ZNF236: variants seen among roughly 807,000 people sequenced by gnomAD.
ZNF236 encodes zinc finger protein 236.
ZNF236 carries 50 observed loss-of-function variants against 191.2 expected under a neutral mutation model. That is an observed-to-expected ratio of 0.26 (90% CI 0.21 to 0.33). ZNF236 has a LOEUF of 0.33. Ranked by LOEUF, ZNF236 falls within the 10% of genes least tolerant of loss-of-function variation. The pLI is 1.00. For missense variants in ZNF236, 1,754 were observed against 2,374.5 expected, an observed-to-expected ratio of 0.74 and a Z score of 5.43; for synonymous variants, 907 against 928.8, an observed-to-expected ratio of 0.98 and a Z score of 0.43.
In ZNF236 at chr18:76,969,054, A is replaced by G; in HGVS notation, c.*715A>G. ...CACGGGCTGGCGACACACTTACCGC[A>G]TCAATCTGTGTTCAGGTCCAGGGTT... is the stretch of plus-strand genomic sequence containing the variant. On this transcript the variant is annotated 3_prime_UTR_variant, in exon 31 of 31. Coordinates refer to ENST00000320610, the MANE Select transcript of ZNF236 (RefSeq NM_001306089.2). The G allele has an allele frequency of 2.3e-6, 2 of 861,766 alleles. No homozygotes were observed. Among genetic ancestry groups the G allele is most frequent in the Non-Finnish European group, 2.8e-6 (2 of 716,388 alleles). 53.4% of individuals were successfully genotyped at this position (861,766 alleles called of 1,614,324 possible).
rs3794873 is a variant in ZNF236, at chr18:76,904,418, A to G, written c.1933A>G (p.Ser645Gly). 0.025 allele frequency: 39,800 copies of G among 1,609,132 alleles called. 589 individuals carry two copies. Among genetic ancestry groups the G allele is most frequent in the South Asian group, 0.027 (2,417 of 90,346 alleles). Reference protein sequence around the residue: ...QPIPKNQFFQSYFNNNFVNEA... With the variant: ...QPIPKNQFFQGYFNNNFVNEA... ...CATTCCAAAAAACCAGTTTTTCCAAAGCTATTTCAATAATAATTTTGTCAA... is the reference window on the plus strand; with the variant it reads ...CATTCCAAAAAACCAGTTTTTCCAAGGCTATTTCAATAATAATTTTGTCAA... The change falls in exon 12 of 31, where the codon AGC (serine) becomes GGC (glycine). Residue 645 changes from serine to glycine, a missense_variant. By Grantham distance (56) the Ser-to-Gly change is moderately conservative (BLOSUM62 0). Coordinates refer to ENST00000320610, the MANE Select transcript of ZNF236 (RefSeq NM_001306089.2).
intron 1 of ZNF236, among the ~76,000 whole-genome samples, chr18:76,826,610 G>A (rs1248552156): frequency 2.7e-5 from 4 of 150,228 alleles, no homozygotes; most frequent in Non-Finnish European, 5.9e-5. Context: ...GGCCCCCATG[G>A]TGAAACCCCA....
chr18:76,884,348 C>G (rs1976986294), intron 9 of ZNF236, among the ~76,000 whole-genome samples: 1 of 151,452 alleles, frequency 6.6e-6, no homozygotes, highest in Non-Finnish European at 1.5e-5. Flanking sequence ...TTGCAGTGAG[C>G]CGAGATCATG....
At chr18:76,918,466 C>A (rs975230361) in intron 19 of ZNF236, among the ~76,000 whole-genome samples, 4 of 152,084 alleles carry the variant, frequency 2.6e-5, no homozygotes, top group Non-Finnish European at 5.9e-5. Context: ...ACTCTGTCAC[C>A]CAGGCAGGAG....
intron 3 of ZNF236, among the ~76,000 whole-genome samples, chr18:76,860,440 C>T (rs1479952002): frequency 1.3e-5 from 2 of 152,146 alleles, no homozygotes; most frequent in African/African-American, 2.4e-5. Flanking sequence ...CTGTCATTCG[C>T]AGATGTTCTA....
At position 76,906,524 on chromosome 18, in the gene ZNF236, A is replaced by G. The variant is rs139367487; in HGVS notation, c.2297+1109A>G. Among the ~76,000 whole-genome samples the G allele has an allele frequency of 9.9e-4, 151 of 152,258 alleles. 1 individual carries two copies. The Middle Eastern group carries it at 0.01, about 10-fold the overall frequency. On this transcript the variant is annotated intron_variant, in intron 13 of 30. Transcript: ENST00000320610. ...CCAAGAGCTTACCGTGCTAAGAAGAATGGAGCTTGGGCGCTTGCTTGCTCA... is the reference window on the plus strand; with the variant it reads ...CCAAGAGCTTACCGTGCTAAGAAGAGTGGAGCTTGGGCGCTTGCTTGCTCA...
chr18:76,947,620 G>C lies in ZNF236; in HGVS notation c.4882G>C (p.Ala1628Pro), dbSNP rs768474630. Residue 1628 changes from alanine (A) to proline (P), a missense_variant, in exon 27 of 31, where the codon GCG (alanine) becomes CCG (proline). Transcript: ENST00000320610. ...VILVSHTPQS[A>P]SAACEEIAYQ... ...ACTAGTGAGCCACACGCCACAGTCAGCGTCTGCTGCTTGTGAAGAAATAGC... is the reference window on the plus strand; with the variant it reads ...ACTAGTGAGCCACACGCCACAGTCACCGTCTGCTGCTTGTGAAGAAATAGC... 6.2e-7 allele frequency: 1 copy of C among 1,613,922 alleles called. No individual in the cohort carries two copies. The highest frequency in any genetic ancestry group is 1.1e-5 in the South Asian group (1 of 91,060).
At chr18:76,828,076 G>GT (rs1975065558) in intron 1 of ZNF236, among the ~76,000 whole-genome samples, 1 of 152,020 alleles carries the variant, frequency 6.6e-6, no homozygotes, top group Non-Finnish European at 1.5e-5. Context: ...TCCTGATTAG[G>GT]TTACCAGTTC....
chr18:76,946,588 T>C (rs1968269529), intron 26 of ZNF236, among the ~76,000 whole-genome samples: 1 of 152,350 alleles, frequency 6.6e-6, no homozygotes, highest in East Asian at 1.9e-4. Context: ...GTAAAATATG[T>C]TTAGAATCAG....
intron 1 of ZNF236, among the ~76,000 whole-genome samples, chr18:76,832,908 G>A (rs2122404445): frequency 6.6e-6 from 1 of 151,914 alleles, no homozygotes; most frequent in East Asian, 1.9e-4. Context: ...GTAATGTTTT[G>A]GGACTTCAAG....
chr18:76,872,585 T>A (rs1976609834), intron 5 of ZNF236, among the ~76,000 whole-genome samples: 1 of 152,238 alleles, frequency 6.6e-6, no homozygotes, highest in South Asian at 2.1e-4. Context: ...TAAAACTATT[T>A]CTCCATGCCT....
chr18:76,846,947 A>T (rs1326060679), intron 1 of ZNF236, among the ~76,000 whole-genome samples: 1 of 152,058 alleles, frequency 6.6e-6, no homozygotes, highest in African/African-American at 2.4e-5. Flanking sequence ...GGCGTGCGCC[A>T]TCAAGCCCGG....
chr18:76,906,749 A>C (rs1000141812), intron 13 of ZNF236, among the ~76,000 whole-genome samples: 10 of 152,140 alleles, frequency 6.6e-5, no homozygotes, highest in African/African-American at 2.4e-4. Context: ...CATGTAGGAG[A>C]TGAATGTAGA....
intron 11 of ZNF236, 26 bp downstream of exon 11, chr18:76,899,248 A>G: frequency 6.3e-7 from 1 of 1,583,306 alleles, no homozygotes; most frequent in Non-Finnish European, 8.7e-7. Flanking sequence ...GGGCGTCTTT[A>G]TAATTTATTG....
rs761452636 is a variant in ZNF236, at chr18:76,904,527, G to A, written c.2036+6G>A. 6 of 1,570,000 alleles carry A rather than the reference G, an allele frequency of 3.8e-6. No individual in the cohort carries two copies. The highest frequency in any genetic ancestry group is 5.2e-6 in the Non-Finnish European group (6 of 1,158,638). On this transcript the variant is annotated splice_donor_region_variant and intron_variant, in intron 12 of 30. Coordinates refer to ENST00000320610, the MANE Select transcript of ZNF236 (RefSeq NM_001306089.2). ...CACCTTAAACAACACATCAGGTAAG[G>A]TAACGGATTCACAGATGGAAATTTA...
intron 9 of ZNF236, among the ~76,000 whole-genome samples, chr18:76,892,845 G>C (rs1977289613): frequency 6.6e-6 from 1 of 152,228 alleles, no homozygotes; most frequent in Non-Finnish European, 1.5e-5. Context: ...GGGATTACAG[G>C]CGTGAGCCAC....
intron 1 of ZNF236, among the ~76,000 whole-genome samples, chr18:76,828,934 G>C (rs1005136293): frequency 6.6e-5 from 10 of 152,086 alleles, no homozygotes; most frequent in African/African-American, 2.2e-4. Context: ...CCAGTGTTAG[G>C]ATTACATGTG....
chr18:76,841,553 G>A (rs1404155842), intron 1 of ZNF236, among the ~76,000 whole-genome samples: 1 of 152,190 alleles, frequency 6.6e-6, no homozygotes, highest in Non-Finnish European at 1.5e-5. Context: ...TCATGCCTTT[G>A]ATAATTGGGT....
chr18:76,847,731 C>T (rs761687742), intron 1 of ZNF236, among the ~76,000 whole-genome samples: 2 of 152,220 alleles, frequency 1.3e-5, no homozygotes, highest in Non-Finnish European at 2.9e-5. Flanking sequence ...GGCCTCCTGC[C>T]TCCCAAAGTG....
Sources: allele counts gnomAD v4.1 joint callset (sites outside exome capture counted in the v4.1 genomes callset), GRCh38; gene constraint gnomAD v4.1.1; transcripts MANE v1.5; gene names NCBI Gene and HGNC (gene_info 2026-07-23, HGNC 2026-07-21).